NEGR1: variants seen among roughly 807,000 people sequenced by gnomAD.
NEGR1 encodes the protein neuronal growth regulator 1.
In NEGR1, 10 loss-of-function variants were observed where a neutral mutation model predicts 40.9. The observed-to-expected ratio is 0.24, with a 90% CI of 0.15 to 0.42. NEGR1 has a LOEUF of 0.42. Ranked by LOEUF, NEGR1 falls within the 10% of genes least tolerant of loss-of-function variation. The pLI is 1.00. For missense variants in NEGR1, 352 were observed against 438.9 expected, an observed-to-expected ratio of 0.80 and a Z score of 1.77; for synonymous variants, 185 against 166.8, an observed-to-expected ratio of 1.11 and a Z score of -0.84.
intron 2 of NEGR1, among the ~76,000 whole-genome samples, chr1:71,856,098 A>C (rs1463545206): frequency 1.3e-5 from 2 of 152,004 alleles, no homozygotes; most frequent in African/African-American, 4.8e-5. Context: ...AAAAATGTAG[A>C]TATTTATTAA....
In NEGR1 at chr1:72,166,578, A is replaced by G. The variant is rs563499977; in HGVS notation, c.176+115741T>C. Among the ~76,000 whole-genome samples, 10 of 152,272 alleles carry G rather than the reference A, an allele frequency of 6.6e-5. No homozygotes were observed. The South Asian group carries it at 2.1e-3, about 32-fold the overall frequency. On this transcript the variant is annotated intron_variant, in intron 1 of 6. Transcript: ENST00000357731. ...ATAAAGAAAATGTGGTAATATGCAC[A>G]CTGGCATACCATTCAGCCTTAAAGA...
intron 1 of NEGR1, among the ~76,000 whole-genome samples, chr1:71,994,906 A>T (rs558960376): frequency 1.3e-5 from 2 of 151,812 alleles, no homozygotes; most frequent in East Asian, 2.0e-4. Context: ...GCTGGCACTT[A>T]ACATCAAACT....
chr1:72,007,122 G>GT (rs765777256), intron 1 of NEGR1, among the ~76,000 whole-genome samples: 1 of 151,738 alleles, frequency 6.6e-6, no homozygotes, highest in African/African-American at 2.4e-5. Context: ...GCAGCAATTT[G>GT]TTTTTTCAAA....
At chr1:71,906,836 C>T (rs1462919258) in intron 2 of NEGR1, among the ~76,000 whole-genome samples, 1 of 152,164 alleles carries the variant, frequency 6.6e-6, no homozygotes, top group Non-Finnish European at 1.5e-5. Context: ...CTAAAACTAG[C>T]TGCTGGCTCT....
intron 2 of NEGR1, among the ~76,000 whole-genome samples, chr1:71,901,626 CT>C (rs1661144920): frequency 6.7e-6 from 1 of 149,078 alleles, no homozygotes; most frequent in Admixed American, 6.7e-5. Context: ...TACTGATGAG[CT>C]TTTTTTCTAA....
At chr1:72,048,070 A>G (rs533356546) in intron 1 of NEGR1, among the ~76,000 whole-genome samples, 1 of 151,660 alleles carries the variant, frequency 6.6e-6, no homozygotes, top group South Asian at 2.1e-4. Flanking sequence ...ACTTTCATCT[A>G]TCTCCAATAG....
At chr1:71,816,799 C>A (rs12144209) in intron 2 of NEGR1, among the ~76,000 whole-genome samples, 1 of 151,714 alleles carries the variant, frequency 6.6e-6, no homozygotes, top group Non-Finnish European at 1.5e-5. Context: ...AATATTACCA[C>A]GAATAAAATA....
intron 1 of NEGR1, among the ~76,000 whole-genome samples, chr1:72,096,422 T>A: frequency 6.6e-6 from 1 of 152,074 alleles, no homozygotes; most frequent in African/African-American, 2.4e-5. Context: ...TGAAGTTAAC[T>A]GTCAAATTTT....
chr1:71,552,187 T>C (rs1389300025), intron 6 of NEGR1, among the ~76,000 whole-genome samples: 1 of 151,480 alleles, frequency 6.6e-6, no homozygotes, highest in Non-Finnish European at 1.5e-5. Context: ...CCAGGTGATA[T>C]GTAATCACTT....
At chr1:71,759,596 C>CGTTTTT (rs1655866326) in intron 3 of NEGR1, among the ~76,000 whole-genome samples, 1 of 31,952 alleles carries the variant, frequency 3.1e-5, no homozygotes, top group Admixed American at 6.2e-4. Flanking sequence ...TGCGTCCAGG[C>CGTTTTT]TTTTTTTTTT....
intron 6 of NEGR1, among the ~76,000 whole-genome samples, chr1:71,437,208 C>A (rs1394340263): frequency 1.3e-5 from 2 of 151,662 alleles, no homozygotes; most frequent in African/African-American, 4.8e-5. Flanking sequence ...TATGAAATAT[C>A]CAGAATAGGC....
chr1:71,787,893 GTTGT>G (rs1403406780), intron 2 of NEGR1, among the ~76,000 whole-genome samples: 7 of 152,086 alleles, frequency 4.6e-5, no homozygotes, highest in Non-Finnish European at 1.0e-4. Flanking sequence ...TTCACATTAC[GTTGT>G]TTGTTTTCTT....
intron 1 of NEGR1, among the ~76,000 whole-genome samples, chr1:72,156,433 T>C (rs770462836): frequency 6.6e-6 from 1 of 152,186 alleles, no homozygotes; most frequent in Non-Finnish European, 1.5e-5. Flanking sequence ...GAAAGAATCA[T>C]CTAATTTCTA....
At chr1:71,621,592 C>T (rs1427329866) in intron 4 of NEGR1, among the ~76,000 whole-genome samples, 1 of 150,444 alleles carries the variant, frequency 6.6e-6, no homozygotes, top group Non-Finnish European at 1.5e-5. Flanking sequence ...TGAAAAGGTA[C>T]AGAAAAAAAA....
intron 2 of NEGR1, among the ~76,000 whole-genome samples, chr1:71,872,769 C>G (rs1267599295): frequency 6.6e-6 from 1 of 152,128 alleles, no homozygotes; most frequent in East Asian, 1.9e-4. Context: ...CTGAGAAGAG[C>G]AGTTTGTGTG....
chr1:71,640,943 C>T (rs1023524812), intron 4 of NEGR1, among the ~76,000 whole-genome samples: 1 of 151,974 alleles, frequency 6.6e-6, no homozygotes, highest in Non-Finnish European at 1.5e-5. Context: ...GTGAATGACT[C>T]CTTGCCATTG....
intron 1 of NEGR1, among the ~76,000 whole-genome samples, chr1:72,121,041 G>A: frequency 6.6e-6 from 1 of 152,038 alleles, no homozygotes; most frequent in Non-Finnish European, 1.5e-5. Flanking sequence ...GAATTTTGGG[G>A]TGTACAGAGG....
chr1:71,650,211 C>T (rs1306587159), intron 4 of NEGR1, among the ~76,000 whole-genome samples: 2 of 151,996 alleles, frequency 1.3e-5, no homozygotes, highest in Non-Finnish European at 2.9e-5. Context: ...TTGAGTCAGC[C>T]CATATGGAAA....
At chr1:72,031,303 G>A (rs552470009) in intron 1 of NEGR1, among the ~76,000 whole-genome samples, 2 of 152,282 alleles carry the variant, frequency 1.3e-5, no homozygotes, top group African/African-American at 2.4e-5. Flanking sequence ...GAGATAGGGA[G>A]GAAGTGGATG....
Sources: allele counts gnomAD v4.1 joint callset (sites outside exome capture counted in the v4.1 genomes callset), GRCh38; gene constraint gnomAD v4.1.1; transcripts MANE v1.5; gene names NCBI Gene and HGNC (gene_info 2026-07-23, HGNC 2026-07-21).